PARD3B: variants seen among roughly 807,000 people sequenced by gnomAD.
PARD3B encodes par-3 family cell polarity regulator beta, also known as partitioning defective 3 homolog B.
In PARD3B, 103 loss-of-function variants were observed where a neutral mutation model predicts 130.2. The ratio of observed to expected loss-of-function variants is 0.79; its 90% CI spans 0.67 to 0.93. The LOEUF (loss-of-function observed/expected upper bound fraction) is 0.93, where lower values mean the gene tolerates loss of function less well. Among genes scored for constraint, PARD3B ranks in the 40% least tolerant of loss-of-function variants. PARD3B has a pLI of 0.00. For missense variants in PARD3B, 1,609 were observed against 1,499.2 expected, an observed-to-expected ratio of 1.07 and a Z score of -1.21; for synonymous variants, 583 against 553.2, an observed-to-expected ratio of 1.05 and a Z score of -0.76.
At chr2:204,759,776 T>A (rs893365522) in intron 2 of PARD3B, among the ~76,000 whole-genome samples, 1 of 152,138 alleles carries the variant, frequency 6.6e-6, no homozygotes, top group Non-Finnish European at 1.5e-5. Flanking sequence ...GTTTATGTGA[T>A]TATACCTGTT....
In PARD3B at chr2:205,019,275, A is replaced by G. The variant is rs560144332; in HGVS notation, c.395-28306A>G. Among the ~76,000 whole-genome samples the G allele has an allele frequency of 5.9e-5, 9 of 152,258 alleles. No individual in the cohort carries two copies. In the East Asian group the frequency reaches 1.7e-3, roughly 29 times the overall value. ...TTGTGACTGCCTTTTCCCGCCTAGCATGTTTTCAAGGTTCATCCATGCTGT... is the reference window on the plus strand; with the variant it reads ...TTGTGACTGCCTTTTCCCGCCTAGCGTGTTTTCAAGGTTCATCCATGCTGT... On this transcript the variant is annotated intron_variant, in intron 3 of 22. Coordinates refer to ENST00000406610, the MANE Select transcript of PARD3B (RefSeq NM_001302769.2).
At chr2:205,427,648 CAG>C (rs527263764) in intron 19 of PARD3B, among the ~76,000 whole-genome samples, 23 of 151,756 alleles carry the variant, frequency 1.5e-4, no homozygotes, top group Admixed American at 3.9e-4. Flanking sequence ...ATGGAGAAGA[CAG>C]AAATGAAAGC....
chr2:204,895,938 A>G (rs2046626100), intron 2 of PARD3B, among the ~76,000 whole-genome samples: 1 of 152,220 alleles, frequency 6.6e-6, no homozygotes, highest in Admixed American at 6.5e-5. Flanking sequence ...ACAGGATATA[A>G]ACAAAGGATA....
chr2:204,644,581 TAGAG>T (rs769453682), intron 1 of PARD3B, among the ~76,000 whole-genome samples: 8 of 152,192 alleles, frequency 5.3e-5, no homozygotes, highest in East Asian at 3.9e-4. Context: ...TTTCCCTAGT[TAGAG>T]AGTTAGAATA....
chr2:204,939,058 GA>G (rs377542528), intron 2 of PARD3B, among the ~76,000 whole-genome samples: 1 of 152,114 alleles, frequency 6.6e-6, no homozygotes, highest in Non-Finnish European at 1.5e-5. Context: ...TACTCATTAG[GA>G]AAATGAGTAT....
chr2:204,565,410 C>T (rs1446581349), intron 1 of PARD3B, among the ~76,000 whole-genome samples: 1 of 152,138 alleles, frequency 6.6e-6, no homozygotes, highest in East Asian at 1.9e-4. Context: ...TCATGTGGTA[C>T]TTTGACTGAT....
At chr2:204,795,993 C>G (rs1418466654) in intron 2 of PARD3B, among the ~76,000 whole-genome samples, 2 of 152,134 alleles carry the variant, frequency 1.3e-5, no homozygotes, top group African/African-American at 4.8e-5. Flanking sequence ...AATCACTCTA[C>G]ATGTTTTTTC....
intron 3 of PARD3B, among the ~76,000 whole-genome samples, chr2:204,982,528 G>A (rs1172013223): frequency 6.6e-6 from 1 of 152,102 alleles, no homozygotes; most frequent in Non-Finnish European, 1.5e-5. Context: ...TCTCTTTCTT[G>A]CCCCACTAAT....
At chr2:205,581,798 T>A (rs973637244) in intron 22 of PARD3B, among the ~76,000 whole-genome samples, 21 of 152,236 alleles carry the variant, frequency 1.4e-4, no homozygotes, top group African/African-American at 4.8e-4. Context: ...AAAACTGTAA[T>A]TATTTTCTTA....
intron 18 of PARD3B, among the ~76,000 whole-genome samples, chr2:205,393,670 A>G (rs1014698440): frequency 6.6e-6 from 1 of 152,190 alleles, no homozygotes; most frequent in Admixed American, 6.6e-5. Flanking sequence ...ACTTTTGTAT[A>G]GTGTGTGCAC....
chr2:204,773,415 T>TAG (rs1277755015), intron 2 of PARD3B, among the ~76,000 whole-genome samples: 1 of 151,950 alleles, frequency 6.6e-6, no homozygotes, highest in Non-Finnish European at 1.5e-5. Context: ...TTCTTAGAGA[T>TAG]AGCTGTAACA....
At chr2:204,912,628 A>G (rs780637179) in intron 2 of PARD3B, among the ~76,000 whole-genome samples, 2 of 152,204 alleles carry the variant, frequency 1.3e-5, no homozygotes, top group East Asian at 3.9e-4. Flanking sequence ...TTGATCTTGT[A>G]GCATGCCCAC....
chr2:204,622,592 G>T lies in PARD3B; in HGVS notation c.121-63589G>T, dbSNP rs1421776920. 3.3e-5 allele frequency among the ~76,000 whole-genome samples: 5 copies of T among 151,494 alleles called. No homozygotes were observed. The South Asian group carries it at 8.3e-4, about 25-fold the overall frequency. On this transcript the variant is annotated intron_variant, in intron 1 of 22. Transcript: ENST00000406610. Reference sequence around the variant, plus strand: ...ATTCATTTTATAATCTTTATTTATAGAATTATATTTATATACTACTATTAT... The same window carrying T: ...ATTCATTTTATAATCTTTATTTATATAATTATATTTATATACTACTATTAT...
At chr2:204,645,709 C>T (rs1257746670) in intron 1 of PARD3B, among the ~76,000 whole-genome samples, 1 of 152,062 alleles carries the variant, frequency 6.6e-6, no homozygotes, top group Non-Finnish European at 1.5e-5. Context: ...TATTTTAATA[C>T]ACAAATATGA....
intron 15 of PARD3B, among the ~76,000 whole-genome samples, chr2:205,242,413 A>G (rs1042631465): frequency 6.6e-6 from 1 of 152,354 alleles, no homozygotes; most frequent in South Asian, 2.1e-4. Context: ...AAAGATAAAA[A>G]CAAAGCAGCA....
rs2046952518 is a variant in PARD3B, at chr2:205,421,040, C to G, written c.2742-19330C>G. Among the ~76,000 whole-genome samples the G allele has an allele frequency of 6.6e-6, 1 of 151,962 alleles. No homozygotes were observed. The highest frequency in any genetic ancestry group is 2.1e-4 in the South Asian group (1 of 4,810). Reference sequence around the variant, plus strand: ...CCCATAGTCCCAGCTACTCGGGGGGCCAAGGCAGGAGAATCACTTGAACCC... The same window carrying G: ...CCCATAGTCCCAGCTACTCGGGGGGGCAAGGCAGGAGAATCACTTGAACCC... On this transcript the variant is annotated intron_variant, in intron 19 of 22. Transcript: ENST00000406610. The surrounding 1 kb of genome is among the most constrained non-coding windows in gnomAD (Gnocchi z 5.1).
At chr2:204,868,708 G>C (rs186505906) in intron 2 of PARD3B, among the ~76,000 whole-genome samples, 2 of 152,232 alleles carry the variant, frequency 1.3e-5, no homozygotes, top group Admixed American at 1.3e-4. Context: ...AAATACTTTA[G>C]ATTTAGATAG....
At chr2:205,231,550 T>G (rs1210564547) in intron 15 of PARD3B, among the ~76,000 whole-genome samples, 1 of 151,340 alleles carries the variant, frequency 6.6e-6, no homozygotes, top group South Asian at 2.1e-4. Flanking sequence ...TTGCCCAGGC[T>G]GGTGTCAAAC....
chr2:205,209,236 C>T (rs539633153), intron 15 of PARD3B, among the ~76,000 whole-genome samples: 1 of 146,638 alleles, frequency 6.8e-6, no homozygotes, highest in East Asian at 2.0e-4. Context: ...GGATTAAAGA[C>T]TTAAACATTA....
Sources: allele counts gnomAD v4.1 joint callset (sites outside exome capture counted in the v4.1 genomes callset), GRCh38; gene constraint gnomAD v4.1.1; non-coding constraint Gnocchi (gnomAD v3.1); transcripts MANE v1.5; gene names NCBI Gene and HGNC (gene_info 2026-07-23, HGNC 2026-07-21).